The following DMXL1 variants were observed in gnomAD, a reference collection of about 807,000 sequenced individuals.
The protein encoded by DMXL1 is Dmx like 1, also known as dmX-like protein 1.
Under a neutral mutation model 319.2 loss-of-function variants are expected in DMXL1, and 99 were observed. The ratio of observed to expected loss-of-function variants is 0.31; its 90% confidence interval spans 0.26 to 0.37. The LOEUF (loss-of-function observed/expected upper bound fraction) is 0.37, where lower values mean the gene tolerates loss of function less well. Ranked by LOEUF, DMXL1 falls within the 10% of genes least tolerant of loss-of-function variation. The pLI is 1.00. For missense variants in DMXL1, 3,745 were observed against 3,595.6 expected (o/e 1.04, Z -1.06); for synonymous variants, 1,385 against 1,235.2 (o/e 1.12, Z -2.54).
At chr5:119,219,115 C>G (rs1327886593) in intron 35 of DMXL1, among the ~76,000 whole-genome samples, 1 of 152,120 alleles carries the variant, frequency 6.6e-6, no homozygotes, top group African/African-American at 2.4e-5. Flanking sequence ...ACCAGAAAAT[C>G]AGCACTTTAC....
At chr5:119,148,676 T>G in intron 17 of DMXL1, 63 bp from the exon 18 acceptor site, 2 of 1,491,252 alleles carry the variant, frequency 1.3e-6, no homozygotes, top group Admixed American at 4.0e-5. Context: ...AAATCGTAAG[T>G]ACATAAAAAC....
intron 27 of DMXL1, among the ~76,000 whole-genome samples, 191 bp downstream of exon 27, chr5:119,177,675 A>G (rs1433615955): frequency 6.6e-6 from 1 of 152,184 alleles, no homozygotes; most frequent in African/African-American, 2.4e-5. Flanking sequence ...TTATACTAAT[A>G]TAACTCAAAT....
At chr5:119,236,322 T>C (rs1581482773) in intron 39 of DMXL1, 1 of 152,090 alleles carries the variant, frequency 6.6e-6, no homozygotes, top group African/African-American at 2.4e-5. Context: ...TTTTAAGTGA[T>C]GCTCTTTAAC....
intron 1 of DMXL1, among the ~76,000 whole-genome samples, chr5:119,078,295 A>G (rs1222856494): frequency 6.6e-6 from 1 of 151,846 alleles, no homozygotes; most frequent in Non-Finnish European, 1.5e-5. Context: ...TTTCACTTTT[A>G]TTTTCACAAA....
At chr5:119,178,384 A>G (rs1044841413) in intron 28 of DMXL1, 140 bp downstream of exon 28, 22 of 1,000,978 alleles carry the variant, frequency 2.2e-5, no homozygotes, top group African/African-American at 3.3e-5. Context: ...ATAGTCATAC[A>G]GTGAAAATGC....
At chr5:119,129,103 C>G (rs1402973822) in intron 9 of DMXL1, 108 bp from the exon 10 acceptor site, 1 of 717,948 alleles carries the variant, frequency 1.4e-6, no homozygotes, top group African/African-American at 1.8e-5. Context: ...AAGAGAAGGA[C>G]TTTCAGGCAA....
At chr5:119,096,303 A>G (rs1246929546) in intron 1 of DMXL1, among the ~76,000 whole-genome samples, 1 of 151,826 alleles carries the variant, frequency 6.6e-6, no homozygotes, top group African/African-American at 2.4e-5. Flanking sequence ...CAGCCTCCCA[A>G]GTAGCTGAGA....
intron 20 of DMXL1, 69 bp downstream of exon 20, chr5:119,164,745 A>G (rs1773056343): frequency 1.4e-6 from 2 of 1,395,378 alleles, no homozygotes; most frequent in Non-Finnish European, 2.0e-6. Context: ...GGCATTTCAT[A>G]TCTTCTCTGC....
rs200689008 is a variant in DMXL1 at position 119,178,213 on chromosome 5, C to T, written c.7104C>T (p.Ser2368=). The change falls in exon 28 of 44, where the codon AGC becomes AGT. Residue 2368 remains serine (S), a synonymous_variant. Transcript: ENST00000539542. Reference sequence around the variant, plus strand: ...TTGGTGGAGGTGCACATGTTCCTAGCAAAGAACAGACACATTCAAAAACTT... The same window carrying T: ...TTGGTGGAGGTGCACATGTTCCTAGTAAAGAACAGACACATTCAAAAACTT... The part of the protein sequence containing the change: ...AVFGGGAHVP[S]KEQTHSKTLP... 6.2e-7 allele frequency: 1 copy of T among 1,613,548 alleles called. No homozygotes were observed. Among genetic ancestry groups the T allele is most frequent in the African/African-American group, 1.3e-5 (1 of 74,884 alleles).
intron 39 of DMXL1, chr5:119,236,690 A>G (rs2150711422): frequency 6.6e-6 from 1 of 152,092 alleles, no homozygotes; most frequent in South Asian, 2.1e-4. Flanking sequence ...GAGGCAGAGG[A>G]GGGTGGGAGT....
At chr5:119,193,223 C>A (rs998429263) in intron 29 of DMXL1, among the ~76,000 whole-genome samples, 7 of 152,158 alleles carry the variant, frequency 4.6e-5, no homozygotes, top group Admixed American at 2.6e-4. Flanking sequence ...GCCTACAAGA[C>A]CCTGTCTGAG....
At chr5:119,164,026 CAT>C (rs994881524) in intron 19 of DMXL1, among the ~76,000 whole-genome samples, 6 of 152,022 alleles carry the variant, frequency 3.9e-5, no homozygotes, top group Admixed American at 2.6e-4. Context: ...TGGAATTTAA[CAT>C]ATGCATTATG....
chr5:119,074,733 C>T lies in DMXL1; in HGVS notation c.87+3077C>T, dbSNP rs116254186. On this transcript the variant is annotated intron_variant, in intron 1 of 43. Transcript: ENST00000539542. ...CTGTGCTTTCAGAGCACTTTCTTTG[C>T]ATCTTTATTCTATCATTAACCAGTC... 4.2e-3 allele frequency among the ~76,000 whole-genome samples: 634 copies of T among 152,306 alleles called. 6 individuals carry two copies. Among genetic ancestry groups the T allele is most frequent in the African/African-American group, 0.015 (614 of 41,562 alleles).
At chr5:119,108,553 G>A (rs1040709022) in intron 4 of DMXL1, among the ~76,000 whole-genome samples, 1 of 151,858 alleles carries the variant, frequency 6.6e-6, no homozygotes, top group African/African-American at 2.4e-5. Flanking sequence ...CCTCCCTAGT[G>A]TCTGGTACTA....
intron 28 of DMXL1, among the ~76,000 whole-genome samples, chr5:119,185,180 TC>T (rs1228227266): frequency 2.6e-5 from 4 of 151,974 alleles, no homozygotes; most frequent in Non-Finnish European, 5.9e-5. Flanking sequence ...CTCTACTTCT[TC>T]CCCTGTCACT....
chr5:119,142,537 AAG>A (rs1166096971), intron 13 of DMXL1, among the ~76,000 whole-genome samples: 1 of 150,772 alleles, frequency 6.6e-6, no homozygotes, highest in African/African-American at 2.4e-5. Context: ...AAAAAAAAAA[AAG>A]ATGCTGATGA....
chr5:119,231,269 G>A (rs7702867), intron 38 of DMXL1, among the ~76,000 whole-genome samples: 79,419 of 151,942 alleles, frequency 0.52, 21,591 homozygotes, highest in East Asian at 0.97. Flanking sequence ...TAATGTTTAT[G>A]CATAAAATTA....
intron 19 of DMXL1, among the ~76,000 whole-genome samples, chr5:119,153,285 C>T (rs1268638450): frequency 6.6e-6 from 1 of 152,062 alleles, no homozygotes; most frequent in East Asian, 1.9e-4. Context: ...GCCAAATTCT[C>T]TTTAAAATTT....
chr5:119,206,957 T>A, intron 34 of DMXL1, 61 bp downstream of exon 34: 1 of 1,051,094 alleles, frequency 9.5e-7, no homozygotes, highest in Non-Finnish European at 1.4e-6. Flanking sequence ...AACAAAGCAT[T>A]TGCATTTTAC....
Sources: allele counts gnomAD v4.1 joint callset (sites outside exome capture counted in the v4.1 genomes callset), GRCh38; gene constraint gnomAD v4.1.1; transcripts MANE v1.5; gene names NCBI Gene and HGNC (gene_info 2026-07-23, HGNC 2026-07-21).